The following PPP1R13B variants were observed in gnomAD, a reference collection of about 807,000 sequenced individuals.
PPP1R13B encodes apoptosis-stimulating of p53 protein 1.
A neutral mutation model predicts 119.8 loss-of-function variants in PPP1R13B; 44 were observed. The ratio of observed to expected loss-of-function variants is 0.37; its 90% CI spans 0.29 to 0.47. PPP1R13B has a LOEUF of 0.47. PPP1R13B is among the 20% of genes least tolerant of loss of function. The probability of loss-of-function intolerance (pLI) is 0.99; values close to 1 mark genes in which losing one functional copy is unlikely to be tolerated. For synonymous variants in PPP1R13B, 542 were observed against 561.5 expected (o/e 0.97, Z 0.49); for missense variants, 1,227 against 1,413.5 (o/e 0.87, Z 2.12).
chr14:103,799,624 T>G (rs530893342), intron 1 of PPP1R13B, among the ~76,000 whole-genome samples: 2 of 150,388 alleles, frequency 1.3e-5, no homozygotes, highest in East Asian at 1.9e-4. Flanking sequence ...TTTGTTTTTT[T>G]TTTTTTTAAT....
chr14:103,797,241 A>G, intron 2 of PPP1R13B, 130 bp downstream of exon 2: 2 of 840,314 alleles, frequency 2.4e-6, no homozygotes, highest in Middle Eastern at 2.4e-4. Context: ...GATAAATACT[A>G]AATTATATGT....
intron 1 of PPP1R13B, among the ~76,000 whole-genome samples, chr14:103,804,378 A>G (rs2085970416): frequency 6.6e-6 from 1 of 152,190 alleles, no homozygotes. Context: ...TTTTCTTGGC[A>G]ATCCAAGGAA....
rs777643296 is a variant in PPP1R13B, at chr14:103,749,950, T to C, written c.829-16A>G. 1.9e-6 allele frequency: 3 copies of C among 1,608,466 alleles called. No individual in the cohort carries two copies. The highest frequency in any genetic ancestry group is 2.2e-5 in the South Asian group (2 of 89,552). On this transcript the variant is annotated splice_polypyrimidine_tract_variant and intron_variant, in intron 7 of 16. Coordinates refer to ENST00000202556, the MANE Select transcript of PPP1R13B (RefSeq NM_015316.3). Reference sequence around the variant, plus strand: ...GGTTACGAATCTACAAACCACAAAATACAACCTTTATGATTTGTGTTAATT... The same window carrying C: ...GGTTACGAATCTACAAACCACAAAACACAACCTTTATGATTTGTGTTAATT...
intron 9 of PPP1R13B, among the ~76,000 whole-genome samples, chr14:103,745,542 C>T (rs1401992025): frequency 6.6e-6 from 1 of 152,252 alleles, no homozygotes; most frequent in Admixed American, 6.5e-5. Flanking sequence ...TCTCCATGAA[C>T]AGCTTGCCCT....
At chr14:103,754,023 T>C (rs1188911012) in intron 6 of PPP1R13B, 47 bp downstream of exon 6, 3 of 1,586,686 alleles carry the variant, frequency 1.9e-6, no homozygotes, top group Non-Finnish European at 2.6e-6. Flanking sequence ...TTTCACTGGA[T>C]CTGGGCCTGG....
chr14:103,827,395 G>A (rs1358330250), intron 1 of PPP1R13B, among the ~76,000 whole-genome samples: 1 of 152,012 alleles, frequency 6.6e-6, no homozygotes, highest in Admixed American at 6.6e-5. Context: ...ATGAGATTTT[G>A]CAAAAATCTA....
At position 103,847,568 on chromosome 14, in the gene PPP1R13B, G is replaced by C. The variant is rs2087087749; in HGVS notation, c.-261C>G. ...TCAGCCTCAGCCTCAGCCCCAGCCC[G>C]ACAGCCTGCGGCCCGCCCGCCCGGC... On this transcript the variant is annotated 5_prime_UTR_variant, in exon 1 of 17. Transcript: ENST00000202556. The C allele has an allele frequency of 3.0e-6, 3 of 985,742 alleles. No individual in the cohort carries two copies. Among genetic ancestry groups the C allele is most frequent in the Non-Finnish European group, 3.6e-6 (3 of 830,396 alleles). 61.1% of individuals were successfully genotyped at this position (985,742 alleles called of 1,614,324 possible).
intron 4 of PPP1R13B, among the ~76,000 whole-genome samples, chr14:103,775,190 C>T (rs1355870594): frequency 6.6e-6 from 1 of 152,100 alleles, no homozygotes. Flanking sequence ...CAACACACGG[C>T]CTACTCAATG....
intron 2 of PPP1R13B, among the ~76,000 whole-genome samples, chr14:103,795,548 T>C (rs2085738827): frequency 6.6e-6 from 1 of 152,140 alleles, no homozygotes; most frequent in Non-Finnish European, 1.5e-5. Context: ...CAAGAGGCCA[T>C]AGACCATTTA....
At chr14:103,821,165 G>A (rs1463104966) in intron 1 of PPP1R13B, among the ~76,000 whole-genome samples, 2 of 152,116 alleles carry the variant, frequency 1.3e-5, no homozygotes, top group African/African-American at 4.8e-5. Flanking sequence ...ACAAAATGAA[G>A]ACTAAAATCC....
At chr14:103,843,063 A>G (rs544972909) in intron 1 of PPP1R13B, among the ~76,000 whole-genome samples, 2 of 152,178 alleles carry the variant, frequency 1.3e-5, no homozygotes, top group East Asian at 3.9e-4. Context: ...CAAAACGTCC[A>G]CACTCTTTCA....
chr14:103,740,096 G>A lies in PPP1R13B; in HGVS notation c.2320C>T (p.Pro774Ser), dbSNP rs767323271. The stretch of plus-strand genomic sequence containing the variant: ...GGGAGTGGGGCTGTGGGCTGGGCAG[G>A]GGGGAGCTCTTCCAGGTTTCCATTG... ...NANGNLEELP[P>S]AQPTAPLPAE... Residue 774 changes from proline (P) to serine (S), a missense_variant, in exon 12 of 17, where the codon CCT becomes TCT. Transcript: ENST00000202556. This position sits in a 1 kb window ranked among gnomAD's most constrained non-coding sequence, Gnocchi z 4.6. 3.1e-6 allele frequency: 5 copies of A among 1,613,848 alleles called. No homozygotes were observed. In the South Asian group the frequency reaches 5.5e-5, roughly 18 times the overall value.
intron 4 of PPP1R13B, among the ~76,000 whole-genome samples, chr14:103,762,357 TC>T (rs759344121): frequency 4.0e-5 from 6 of 151,102 alleles, no homozygotes; most frequent in Non-Finnish European, 7.4e-5. Flanking sequence ...ACTTCAGATG[TC>T]CCTAATCTTG....
At chr14:103,834,258 C>T (rs1054691559) in intron 1 of PPP1R13B, among the ~76,000 whole-genome samples, 7 of 152,092 alleles carry the variant, frequency 4.6e-5, no homozygotes, top group African/African-American at 1.7e-4. Flanking sequence ...CGCCTGTGGT[C>T]CCAGCTGCTT....
At chr14:103,795,333 T>C (rs190816232) in intron 2 of PPP1R13B, among the ~76,000 whole-genome samples, 9 of 152,168 alleles carry the variant, frequency 5.9e-5, no homozygotes, top group African/African-American at 9.6e-5. Context: ...AAAGAATAAA[T>C]AGATGTTAGC....
intron 12 of PPP1R13B, 102 bp from the exon 13 acceptor site, chr14:103,739,125 G>A: frequency 6.7e-7 from 1 of 1,487,948 alleles, no homozygotes. Context: ...CCCAAAGACA[G>A]TGGCTCCGCG....
chr14:103,776,625 A>C lies in PPP1R13B; in HGVS notation c.354+2120T>G, dbSNP rs139350582. ...CGATGGCTCACGCCTGTAATCCCAG[A>C]ACTTTGGGAGGCCAAGGTGGGCGGA... is the stretch of plus-strand genomic sequence containing the variant. On this transcript the variant is annotated intron_variant, in intron 4 of 16. Transcript: ENST00000202556. 5.5e-3 allele frequency among the ~76,000 whole-genome samples: 835 copies of C among 152,228 alleles called. 7 individuals carry two copies. The highest frequency in any genetic ancestry group is 0.019 in the African/African-American group (801 of 41,572).
chr14:103,777,800 T>TAAAAAAAAAA (rs10658393), intron 4 of PPP1R13B, among the ~76,000 whole-genome samples: 1 of 141,014 alleles, frequency 7.1e-6, no homozygotes, highest in Non-Finnish European at 1.5e-5. Flanking sequence ...AAAAAGCAAT[T>TAAAAAAAAAA]AAAAAAAAAA....
chr14:103,770,249 C>T (rs1811707601), intron 4 of PPP1R13B, among the ~76,000 whole-genome samples: 2 of 152,124 alleles, frequency 1.3e-5, no homozygotes, highest in Admixed American at 6.5e-5. Context: ...GGTGGTAGCT[C>T]ATGCCTGTAA....
Sources: allele counts gnomAD v4.1 joint callset (sites outside exome capture counted in the v4.1 genomes callset), GRCh38; gene constraint gnomAD v4.1.1; non-coding constraint Gnocchi (gnomAD v3.1); transcripts MANE v1.5; gene names NCBI Gene and HGNC (gene_info 2026-07-23, HGNC 2026-07-21).